The following NXPH4 variants were observed in gnomAD, a reference collection of about 807,000 sequenced individuals.
NXPH4 encodes the protein neurexophilin 4, also known as neurexophilin-4.
In NXPH4, 8 loss-of-function variants were observed where a neutral mutation model predicts 21.3. That is an observed-to-expected ratio of 0.38 (90% CI 0.22 to 0.68). The LOEUF (loss-of-function observed/expected upper bound fraction) is 0.68. Among genes scored for constraint, NXPH4 ranks in the 30% least tolerant of loss-of-function variants. The pLI is 0.53. For synonymous variants in NXPH4, 219 were observed against 192.6 expected (o/e 1.14, Z -1.13); for missense variants, 418 against 416.8 (o/e 1.00, Z -0.03).
At position 57,225,303 on chromosome 12, in the gene NXPH4, C is replaced by T. The variant is rs2037131471; in HGVS notation, c.483C>T (p.Val161=). ...GCATCGTGCCGCCCTCCAAGCGTGT[C>T]GAGTTCGGAGGAGTCTGGCTGCCCG... ...SVSIVPPSKR[V]EFGGVWLPGP... is the part of the protein sequence containing the mutation. Residue 161 remains valine (V), a synonymous_variant, in exon 2 of 2, where the codon GTC becomes GTT. Transcript: ENST00000349394. 6.4e-7 allele frequency: 1 copy of T among 1,554,984 alleles called. No individual in the cohort carries two copies.
At position 57,224,946 on chromosome 12, in the gene NXPH4, A is replaced by G; in HGVS notation, c.126A>G (p.Gly42=). The part of the protein sequence containing the change: ...QYLGLRPAAA[G]AGAPGQQLPE... The stretch of plus-strand genomic sequence containing the variant: ...TGGGGCTGCGCCCCGCCGCGGCCGG[A>G]GCGGGTGCCCCCGGCCAGCAGCTCC... The change falls in exon 2 of 2, where the codon GGA becomes GGG. Residue 42 remains glycine (G), a synonymous_variant. Transcript: ENST00000349394. 1 of 1,390,980 alleles carries G rather than the reference A, an allele frequency of 7.2e-7. No homozygotes were observed. The highest frequency in any genetic ancestry group is 9.4e-7 in the Non-Finnish European group (1 of 1,068,324). 86.2% of individuals were successfully genotyped at this position (1,390,980 alleles called of 1,614,324 possible). A position where few individuals can be genotyped will look rare whatever the true frequency, so the allele number is the denominator to read the frequency against.
intron 1 of NXPH4, among the ~76,000 whole-genome samples, chr12:57,222,697 A>G (rs1472643656): frequency 6.6e-6 from 1 of 151,298 alleles, no homozygotes; most frequent in Non-Finnish European, 1.5e-5. Context: ...TCTCCCTCCC[A>G]CTGTACCCTG....
rs74452158 is a variant in NXPH4 at position 57,219,652 on chromosome 12, C to T, written c.57+2626C>T. Among the ~76,000 whole-genome samples, 399 of 152,298 alleles carry T rather than the reference C, an allele frequency of 2.6e-3. 14 individuals are homozygous for T. In the East Asian group the frequency reaches 0.065, roughly 25 times the overall value. On this transcript the variant is annotated intron_variant, in intron 1 of 1. Coordinates refer to ENST00000349394, the MANE Select transcript of NXPH4 (RefSeq NM_007224.4). ...AATCTCTGCCTGGGCCACTTAGGCA[C>T]GCACAGCCTGGGCTAGGGCCCAGAG...
At position 57,225,632 on chromosome 12, in the gene NXPH4, C is replaced by T. The variant is rs993958399; in HGVS notation, c.812C>T (p.Ala271Val). The change falls in exon 2 of 2, where the codon GCC (alanine) becomes GTC (valine). Residue 271 changes from alanine to valine, a missense_variant. Transcript: ENST00000349394. ...HTQSQAAWLC[A>V]KPFKVICIFV... ...CAGAGCCAGGCCGCCTGGCTCTGTG[C>T]CAAGCCCTTCAAAGTCATCTGTATC... is the stretch of plus-strand genomic sequence containing the variant. 6.2e-7 allele frequency: 1 copy of T among 1,613,658 alleles called. No individual in the cohort carries two copies. Among genetic ancestry groups the T allele is most frequent in the South Asian group, 1.1e-5 (1 of 91,082 alleles).
chr12:57,222,231 G>A (rs1029973452), intron 1 of NXPH4, among the ~76,000 whole-genome samples: 1 of 152,112 alleles, frequency 6.6e-6, no homozygotes, highest in Middle Eastern at 3.2e-3. Flanking sequence ...GGTGGGGGCG[G>A]GACTGCCCAA....
intron 1 of NXPH4, chr12:57,221,422 A>G: frequency 2.2e-6 from 1 of 449,310 alleles, no homozygotes; most frequent in South Asian, 1.6e-5. Flanking sequence ...GCACCCTGCA[A>G]TGCGGCTGGG....
chr12:57,224,374 A>C (rs1037278761), intron 1 of NXPH4, among the ~76,000 whole-genome samples: 1 of 152,132 alleles, frequency 6.6e-6, no homozygotes, highest in East Asian at 1.9e-4. Flanking sequence ...TGCCCACCTC[A>C]GCCCCCCAAA....
chr12:57,219,601 C>T (rs2037070963), intron 1 of NXPH4, among the ~76,000 whole-genome samples: 1 of 152,198 alleles, frequency 6.6e-6, no homozygotes, highest in South Asian at 2.1e-4. Context: ...CCTCCTGCCT[C>T]CACACCCTCC....
In NXPH4 at chr12:57,225,489, T is replaced by A; in HGVS notation, c.669T>A (p.Pro223=). 6.2e-7 allele frequency: 1 copy of A among 1,606,598 alleles called. No homozygotes were observed. Among genetic ancestry groups the A allele is most frequent in the Non-Finnish European group, 8.5e-7 (1 of 1,177,652 alleles). ...AGPLGGALGV[P]GAKESRAFNC... is the part of the protein sequence containing the mutation. ...CGCTTGGGGGCGCGTTGGGAGTGCC[T>A]GGGGCCAAAGAGTCACGCGCTTTCA... The change falls in exon 2 of 2, where the codon CCT becomes CCA. Residue 223 remains proline (P), a synonymous_variant. Transcript: ENST00000349394.
Position 57,216,958 on chromosome 12 carries a change from C to T in NXPH4, c.-12C>T, listed in dbSNP as rs1317622653. ...GACCCGCCCAGCCTGCCCCGCTCAG[C>T]CGCCAGAGAAGATGCGGCTGCTCCC... On this transcript the variant is annotated 5_prime_UTR_variant, in exon 1 of 2. Coordinates refer to ENST00000349394, the MANE Select transcript of NXPH4 (RefSeq NM_007224.4). The surrounding 1 kb of genome is among the most constrained non-coding windows in gnomAD (Gnocchi z 5.3). 6.3e-7 allele frequency: 1 copy of T among 1,589,638 alleles called. No individual in the cohort carries two copies. Among genetic ancestry groups the T allele is most frequent in the Admixed American group, 1.7e-5 (1 of 57,942 alleles).
rs1420203963 is a variant in NXPH4, at chr12:57,225,658, T to G, written c.838T>G (p.Phe280Val). Residue 280 changes from phenylalanine to valine, a missense_variant, in exon 2 of 2, where the codon TTC (phenylalanine) becomes GTC (valine). Coordinates refer to ENST00000349394, the MANE Select transcript of NXPH4 (RefSeq NM_007224.4). Reference protein sequence around the residue: ...CAKPFKVICIFVSFLSFDYKL... With the variant: ...CAKPFKVICIVVSFLSFDYKL... ...CAAGCCCTTCAAAGTCATCTGTATC[T>G]TCGTCTCTTTCCTCAGCTTTGACTA... The G allele has an allele frequency of 6.2e-7, 1 of 1,613,862 alleles. No homozygotes were observed. The highest frequency in any genetic ancestry group is 8.5e-7 in the Non-Finnish European group (1 of 1,180,004).
chr12:57,225,785 C>G lies in NXPH4; in HGVS notation c.*38C>G, dbSNP rs1250050840. 6 of 1,583,296 alleles carry G rather than the reference C, an allele frequency of 3.8e-6. No homozygotes were observed. The highest frequency in any genetic ancestry group is 4.3e-6 in the Non-Finnish European group (5 of 1,161,526). The stretch of plus-strand genomic sequence containing the variant: ...GCCAGTCCTGAGCCTCCCGCCAAAT[C>G]CCAGCCTCACTAGGTGGGACCCCCT... On this transcript the variant is annotated 3_prime_UTR_variant, in exon 2 of 2. Transcript: ENST00000349394.
At position 57,216,865 on chromosome 12, in the gene NXPH4, C is replaced by CGCTCCCGCA; in HGVS notation, c.-102_-94dup. 1 of 264,898 alleles carries CGCTCCCGCA rather than the reference C, an allele frequency of 3.8e-6. No homozygotes were observed. The highest frequency in any genetic ancestry group is 3.2e-5 in the African/African-American group (1 of 31,698). The allele number at this position is 264,898 out of a possible 1,614,324, so 16.4% of individuals were successfully genotyped here. ...CTCCCGCCGCTCCCGCCGCTCCCGCCGCTCCCGCAGCCGCCCCGCCGCCCG... is the reference window on the plus strand; with the variant it reads ...CTCCCGCCGCTCCCGCCGCTCCCGCCGCTCCCGCAGCTCCCGCAGCCGCCCCGCCGCCCG... On this transcript the variant is annotated 5_prime_UTR_variant, in exon 1 of 2. Coordinates refer to ENST00000349394, the MANE Select transcript of NXPH4 (RefSeq NM_007224.4). This position sits in a 1 kb window ranked among gnomAD's most constrained non-coding sequence, Gnocchi z 5.3.
In NXPH4 at chr12:57,225,059, C is replaced by G; in HGVS notation, c.239C>G (p.Ala80Gly). 6.8e-7 allele frequency: 1 copy of G among 1,474,088 alleles called. No homozygotes were observed. The highest frequency in any genetic ancestry group is 9.0e-7 in the Non-Finnish European group (1 of 1,110,986). 91.3% of individuals were successfully genotyped at this position (1,474,088 alleles called of 1,614,324 possible). ...PTNHTGALAR[A>G]GAAGALPAQR... is the part of the protein sequence containing the mutation. Reference sequence around the variant, plus strand: ...AACCACACGGGGGCGCTGGCCCGGGCAGGGGCAGCCGGGGCGTTGCCCGCG... The same window carrying G: ...AACCACACGGGGGCGCTGGCCCGGGGAGGGGCAGCCGGGGCGTTGCCCGCG... The change falls in exon 2 of 2, where the codon GCA (alanine) becomes GGA (glycine). Residue 80 changes from alanine to glycine, a missense_variant. Coordinates refer to ENST00000349394, the MANE Select transcript of NXPH4 (RefSeq NM_007224.4).
chr12:57,224,726 TCTC>T (rs1226494936), intron 1 of NXPH4, 149 bp from the exon 2 acceptor site: 17 of 414,364 alleles, frequency 4.1e-5, no homozygotes, highest in East Asian at 2.8e-4. Flanking sequence ...GGGCTGCAGT[TCTC>T]CTCCAAGGCA....
intron 1 of NXPH4, among the ~76,000 whole-genome samples, chr12:57,223,391 C>T (rs747006502): frequency 6.6e-5 from 10 of 152,070 alleles, no homozygotes; most frequent in Non-Finnish European, 1.3e-4. Context: ...CACACAGTCA[C>T]CGATTTACAC....
chr12:57,225,624 G>C lies in NXPH4; in HGVS notation c.804G>C (p.Trp268Cys). 1 of 1,613,676 alleles carries C rather than the reference G, an allele frequency of 6.2e-7. No individual in the cohort carries two copies. Among genetic ancestry groups the C allele is most frequent in the Non-Finnish European group, 8.5e-7 (1 of 1,180,004 alleles). Residue 268 changes from tryptophan to cysteine, a missense_variant, in exon 2 of 2, where the codon TGG (tryptophan) becomes TGC (cysteine). Trp to Cys is a radical substitution (Grantham distance 215, BLOSUM62 -2). Transcript: ENST00000349394. ...AGCACACGCAGAGCCAGGCCGCCTG[G>C]CTCTGTGCCAAGCCCTTCAAAGTCA... is the stretch of plus-strand genomic sequence containing the variant. ...FTEHTQSQAA[W>C]LCAKPFKVIC...
At chr12:57,220,376 C>T (rs969147454) in intron 1 of NXPH4, among the ~76,000 whole-genome samples, 1 of 152,360 alleles carries the variant, frequency 6.6e-6, no homozygotes, top group Non-Finnish European at 1.5e-5. Context: ...ACATTTATTG[C>T]AATAATAAAG....
chr12:57,224,777 G>A, intron 1 of NXPH4, 101 bp from the exon 2 acceptor site: 2 of 471,080 alleles, frequency 4.2e-6, no homozygotes, highest in Non-Finnish European at 7.4e-6. Context: ...GATTCCATTT[G>A]GTCTCCTAGC....
Sources: allele counts gnomAD v4.1 joint callset (sites outside exome capture counted in the v4.1 genomes callset), GRCh38; gene constraint gnomAD v4.1.1; non-coding constraint Gnocchi (gnomAD v3.1); transcripts MANE v1.5; gene names NCBI Gene and HGNC (gene_info 2026-07-23, HGNC 2026-07-21).